FHAD1: variants seen among roughly 807,000 people sequenced by gnomAD.
FHAD1 encodes forkhead-associated domain-containing protein 1.
FHAD1 carries 146 observed loss-of-function variants against 191.3 expected under a neutral mutation model. The observed-to-expected ratio is 0.76, with a 90% CI of 0.67 to 0.88. FHAD1 has a LOEUF of 0.88. FHAD1 is among the 40% of genes least tolerant of loss of function. FHAD1 has a pLI of 0.00. For missense variants in FHAD1, 1,635 were observed against 1,785.8 expected (o/e 0.92, Z 1.52); for synonymous variants, 616 against 672.3 (o/e 0.92, Z 1.29).
At chr1:15,259,122 A>G (rs996442429) in intron 2 of FHAD1, among the ~76,000 whole-genome samples, 40 of 152,018 alleles carry the variant, frequency 2.6e-4, no homozygotes, top group Admixed American at 2.4e-3. Flanking sequence ...AGCCATCCTA[A>G]TGAGAGTGAG....
intron 16 of FHAD1, among the ~76,000 whole-genome samples, chr1:15,344,234 A>T (rs1687962513): frequency 1.3e-5 from 2 of 152,134 alleles, no homozygotes; most frequent in African/African-American, 4.8e-5. Context: ...CCTTCCTTAG[A>T]CCTTCTGACT....
At chr1:15,292,134 CCTT>C (rs924524855) in intron 4 of FHAD1, among the ~76,000 whole-genome samples, 51 of 151,534 alleles carry the variant, frequency 3.4e-4, no homozygotes, top group Non-Finnish European at 7.1e-4. Context: ...TTTCTTCCTT[CCTT>C]CTTTTCTTTT....
At chr1:15,291,993 A>G (rs560067892) in intron 4 of FHAD1, among the ~76,000 whole-genome samples, 17 of 152,312 alleles carry the variant, frequency 1.1e-4, no homozygotes, top group Non-Finnish European at 2.4e-4. Flanking sequence ...GTCAAACTCC[A>G]TCATTTCTCC....
intron 2 of FHAD1, among the ~76,000 whole-genome samples, chr1:15,256,315 T>A (rs142299098): frequency 1.3e-5 from 2 of 152,218 alleles, no homozygotes; most frequent in East Asian, 3.9e-4. Flanking sequence ...TCTGTCCATT[T>A]CTCTGCTCTG....
chr1:15,242,113 G>A (rs535562862), intron 1 of FHAD1, among the ~76,000 whole-genome samples: 1 of 151,488 alleles, frequency 6.6e-6, no homozygotes, highest in East Asian at 1.9e-4. Flanking sequence ...TGTGGCTGTA[G>A]TCCCAGCTAC....
Position 15,311,010 on chromosome 1 carries a change from TA to T in FHAD1, c.1040-2045del, listed in dbSNP as rs1359109028. Among the ~76,000 whole-genome samples the T allele has an allele frequency of 6.6e-6, 1 of 152,120 alleles. No individual in the cohort carries two copies. The highest frequency in any genetic ancestry group is 2.4e-5 in the African/African-American group (1 of 41,408). Reference sequence around the variant, plus strand: ...AACAAACAGAAAAAAATGTCTGAAATAATGGTTTCCATCTATTGGCCCCAAG... The same window carrying T: ...AACAAACAGAAAAAAATGTCTGAAATATGGTTTCCATCTATTGGCCCCAAG... On this transcript the variant is annotated intron_variant, in intron 7 of 33. Coordinates refer to ENST00000688493, the MANE Select transcript of FHAD1 (RefSeq NM_001391957.1). The surrounding 1 kb of genome is among the most constrained non-coding windows in gnomAD (Gnocchi z 4.1).
chr1:15,396,224 G>C (rs1294282177), intron 33 of FHAD1, among the ~76,000 whole-genome samples: 1 of 152,144 alleles, frequency 6.6e-6, no homozygotes, highest in African/African-American at 2.4e-5. Flanking sequence ...GGGAGGCTGA[G>C]GTTGGAGGAT....
At chr1:15,339,649 C>G in intron 15 of FHAD1, 98 bp downstream of exon 15, 1 of 432,442 alleles carries the variant, frequency 2.3e-6, no homozygotes, top group Non-Finnish European at 4.1e-6. Flanking sequence ...TCTTTATCAG[C>G]TAGTCCAGTC....
intron 2 of FHAD1, among the ~76,000 whole-genome samples, 162 bp from the exon 3 acceptor site, chr1:15,272,161 G>A (rs1573850828): frequency 6.6e-6 from 1 of 152,218 alleles, no homozygotes; most frequent in East Asian, 1.9e-4. Flanking sequence ...GTGGCCTTGG[G>A]CAAGTCGCTT....
Position 15,289,698 on chromosome 1 carries a change from G to A in FHAD1, c.568+32G>A. ...GTCAGGGCTGCCATTGGTGGCTTGG[G>A]GGTGGTTCACGGCCATGTGGATGGG... On this transcript the variant is annotated intron_variant, in intron 4 of 33. Coordinates refer to ENST00000688493, the MANE Select transcript of FHAD1 (RefSeq NM_001391957.1). The surrounding 1 kb of genome is among the most constrained non-coding windows in gnomAD (Gnocchi z 4.2). The A allele has an allele frequency of 6.5e-7, 1 of 1,529,010 alleles. No homozygotes were observed. The highest frequency in any genetic ancestry group is 1.4e-5 in the African/African-American group (1 of 72,822). 94.7% of individuals were successfully genotyped at this position (1,529,010 alleles called of 1,614,324 possible).
chr1:15,284,082 C>T (rs959205253), intron 3 of FHAD1, among the ~76,000 whole-genome samples: 2 of 152,130 alleles, frequency 1.3e-5, no homozygotes, highest in Non-Finnish European at 2.9e-5. Context: ...AAATGCTTCC[C>T]CTACCCCAGA....
chr1:15,273,589 A>G (rs10927758), intron 3 of FHAD1, among the ~76,000 whole-genome samples: 87,639 of 151,950 alleles, frequency 0.58, 25,591 homozygotes, highest in East Asian at 0.8. Context: ...ACATTTCAGT[A>G]TATTTACAGA....
At chr1:15,349,700 G>A (rs1348505629) in intron 19 of FHAD1, among the ~76,000 whole-genome samples, 1 of 152,206 alleles carries the variant, frequency 6.6e-6, no homozygotes, top group Non-Finnish European at 1.5e-5. Flanking sequence ...TAGGTGCATA[G>A]TAAGCACGTA....
Position 15,263,510 on chromosome 1 carries a change from C to CTTTTTTT in FHAD1, c.94-8794_94-8788dup, listed in dbSNP as rs771788861. On this transcript the variant is annotated intron_variant, in intron 2 of 33. Transcript: ENST00000688493. ...TGTAAGTTAAGGGTCCAGTTTTATT[C>CTTTTTTT]TTTTTTTTTTTTTTTTTTTTTTTTT... Among the ~76,000 whole-genome samples the CTTTTTTT allele has an allele frequency of 5.7e-3, 431 of 75,128 alleles. 12 individuals are homozygous for CTTTTTTT. The highest frequency in any genetic ancestry group is 7.7e-3 in the Non-Finnish European group (285 of 37,216). 49.3% of individuals were successfully genotyped at this position (75,128 alleles called of 152,430 possible). A position where few individuals can be genotyped will look rare whatever the true frequency, so the allele number is the denominator to read the frequency against.
At chr1:15,379,537 A>G (rs769935161) in intron 28 of FHAD1, among the ~76,000 whole-genome samples, 1 of 152,112 alleles carries the variant, frequency 6.6e-6, no homozygotes, top group Non-Finnish European at 1.5e-5. Flanking sequence ...CCTTCCTCTT[A>G]TACTAATCCT....
chr1:15,247,609 G>A (rs1646241986), intron 1 of FHAD1, among the ~76,000 whole-genome samples: 1 of 152,144 alleles, frequency 6.6e-6, no homozygotes, highest in Non-Finnish European at 1.5e-5. Flanking sequence ...AAGCCCCCGG[G>A]AGCCTTAGAC....
rs60205460 is a variant in FHAD1 at position 15,263,883 on chromosome 1, G to C, written c.94-8440G>C. On this transcript the variant is annotated intron_variant, in intron 2 of 33. Coordinates refer to ENST00000688493, the MANE Select transcript of FHAD1 (RefSeq NM_001391957.1). ...TTTTCCCAGCATCATTTGTTGAAAA[G>C]ACTGTCCTTTCCACCATTGAATGGT... Among the ~76,000 whole-genome samples, 1,358 of 152,246 alleles carry C rather than the reference G, an allele frequency of 8.9e-3. 21 individuals carry two copies. Among genetic ancestry groups the C allele is most frequent in the African/African-American group, 0.031 (1,283 of 41,526 alleles).
At chr1:15,347,231 C>T (rs1689229712) in intron 18 of FHAD1, among the ~76,000 whole-genome samples, 1 of 152,182 alleles carries the variant, frequency 6.6e-6, no homozygotes, top group Non-Finnish European at 1.5e-5. Context: ...TTACTTGAGT[C>T]AAATGCCCCA....
At chr1:15,250,842 A>T (rs72642392) in intron 1 of FHAD1, among the ~76,000 whole-genome samples, 161 of 152,238 alleles carry the variant, frequency 1.1e-3, no homozygotes, top group Non-Finnish European at 1.8e-3. Context: ...ATCTCTAAAT[A>T]TGAATGAATG....
Sources: allele counts gnomAD v4.1 joint callset (sites outside exome capture counted in the v4.1 genomes callset), GRCh38; gene constraint gnomAD v4.1.1; non-coding constraint Gnocchi (gnomAD v3.1); transcripts MANE v1.5; gene names NCBI Gene and HGNC (gene_info 2026-07-23, HGNC 2026-07-21).